The following SEC22A variants were observed in gnomAD, a reference collection of about 807,000 sequenced individuals.
The protein encoded by SEC22A is vesicle-trafficking protein SEC22a.
In SEC22A, 22 loss-of-function variants were observed where a neutral mutation model predicts 35.3. The observed-to-expected ratio is 0.62, with a 90% CI of 0.45 to 0.89. The LOEUF (loss-of-function observed/expected upper bound fraction) is 0.89, where lower values mean the gene tolerates loss of function less well. SEC22A is among the 40% of genes least tolerant of loss of function. SEC22A has a pLI of 0.00. For missense variants in SEC22A, 354 were observed against 362.5 expected, an observed-to-expected ratio of 0.98 and a Z score of 0.19; for synonymous variants, 119 against 129.5, an observed-to-expected ratio of 0.92 and a Z score of 0.55.
At chr3:123,213,789 A>G (rs6764852) in intron 2 of SEC22A, among the ~76,000 whole-genome samples, 24,095 of 152,082 alleles carry the variant, frequency 0.16, 2,248 homozygotes, top group Middle Eastern at 0.27. Flanking sequence ...GTATATAATT[A>G]TGTGCCAAAT....
intron 1 of SEC22A, among the ~76,000 whole-genome samples, chr3:123,207,479 GT>G (rs1240191031): frequency 2.0e-5 from 3 of 152,176 alleles, no homozygotes; most frequent in African/African-American, 7.2e-5. Flanking sequence ...ATTTTCACCA[GT>G]TGCCTCACCA....
chr3:123,266,005 C>T (rs1938016614), intron 6 of SEC22A, among the ~76,000 whole-genome samples: 1 of 152,068 alleles, frequency 6.6e-6, no homozygotes, highest in Admixed American at 6.5e-5. Context: ...AATTATGTTT[C>T]ATGTTGAGTG....
At position 123,210,409 on chromosome 3, in the gene SEC22A, G is replaced by A. The variant is rs80343505; in HGVS notation, c.182+1010G>A. Among the ~76,000 whole-genome samples the A allele has an allele frequency of 4.7e-4, 72 of 152,278 alleles. No homozygotes were observed. The East Asian group carries it at 0.012, about 24-fold the overall frequency. On this transcript the variant is annotated intron_variant, in intron 2 of 6. Transcript: ENST00000492595. ...AATCACCTGTAGTTTTTTGGCCTGA[G>A]GAACTGGATGAATAATGTAGCTGAA...
Position 123,223,421 on chromosome 3 carries a change from T to A in SEC22A, c.183-138T>A, listed in dbSNP as rs552576203. 765 of 644,478 alleles carry A rather than the reference T, an allele frequency of 1.2e-3. 3 individuals are homozygous for A. Among genetic ancestry groups the A allele is most frequent in the Non-Finnish European group, 1.8e-3 (728 of 394,154 alleles). The allele number at this position is 644,478 out of a possible 1,614,324, so 39.9% of individuals were successfully genotyped here. ...TGTATTTTGGTTCCTTTAAATTTTT[T>A]CCTAGAATATATAATAAATGTTAAG... On this transcript the variant is annotated intron_variant, in intron 2 of 6. Transcript: ENST00000492595.
chr3:123,237,793 G>T (rs1212664676), intron 4 of SEC22A, among the ~76,000 whole-genome samples: 1 of 152,158 alleles, frequency 6.6e-6, no homozygotes, highest in Non-Finnish European at 1.5e-5. Flanking sequence ...AGCTGGCAGT[G>T]GCATCCTGGA....
At chr3:123,217,726 T>A (rs1937056954) in intron 2 of SEC22A, among the ~76,000 whole-genome samples, 1 of 152,238 alleles carries the variant, frequency 6.6e-6, no homozygotes, top group African/African-American at 2.4e-5. Flanking sequence ...CAGTTTGTAA[T>A]ACTAAATCAT....
intron 5 of SEC22A, among the ~76,000 whole-genome samples, chr3:123,247,555 T>A (rs1937577139): frequency 6.6e-6 from 1 of 152,196 alleles, no homozygotes; most frequent in South Asian, 2.1e-4. Context: ...AGGAAAGTAG[T>A]ATAAATTACA....
intron 1 of SEC22A, among the ~76,000 whole-genome samples, chr3:123,207,333 A>G (rs988245214): frequency 1.3e-5 from 2 of 151,948 alleles, no homozygotes; most frequent in Non-Finnish European, 2.9e-5. Flanking sequence ...ATTTTTTTTT[A>G]TATATATTAC....
chr3:123,225,031 C>A, intron 3 of SEC22A, 72 bp from the exon 4 acceptor site: 1 of 946,886 alleles, frequency 1.1e-6, no homozygotes, highest in Non-Finnish European at 1.6e-6. Context: ...TATTTACTAT[C>A]CATAAACATC....
intron 5 of SEC22A, among the ~76,000 whole-genome samples, chr3:123,248,340 TCAA>T (rs1180906088): frequency 2.0e-5 from 3 of 152,204 alleles, no homozygotes; most frequent in East Asian, 3.9e-4. Flanking sequence ...ATGTCCAAAA[TCAA>T]CAACAATAGC....
At chr3:123,244,456 A>AT (rs146143757) in intron 4 of SEC22A, among the ~76,000 whole-genome samples, 3 of 151,792 alleles carry the variant, frequency 2.0e-5, no homozygotes, top group Middle Eastern at 3.4e-3. Flanking sequence ...TAAATCGTGA[A>AT]TTTTTTTTTC....
At chr3:123,246,776 A>C (rs1937570817) in intron 5 of SEC22A, among the ~76,000 whole-genome samples, 1 of 152,122 alleles carries the variant, frequency 6.6e-6, no homozygotes, top group Non-Finnish European at 1.5e-5. Flanking sequence ...CACATTATGA[A>C]TCAGTCCTCT....
intron 4 of SEC22A, among the ~76,000 whole-genome samples, chr3:123,228,346 C>CCAA (rs1392083843): frequency 2.0e-5 from 3 of 150,146 alleles, no homozygotes; most frequent in Non-Finnish European, 4.4e-5. Flanking sequence ...GGGCGGATCT[C>CCAA]CTGGGGTTGG....
chr3:123,263,893 A>G (rs1219131719), intron 6 of SEC22A, among the ~76,000 whole-genome samples: 1 of 150,300 alleles, frequency 6.7e-6, no homozygotes, highest in Non-Finnish European at 1.5e-5. Context: ...ATTCTATGAT[A>G]TGTATTCAAT....
At chr3:123,203,041 T>A (rs1936779695) in intron 1 of SEC22A, among the ~76,000 whole-genome samples, 1 of 142,166 alleles carries the variant, frequency 7.0e-6, no homozygotes, top group Non-Finnish European at 1.5e-5. Context: ...AACCATCACA[T>A]CTGTTTAGTG....
At chr3:123,252,569 T>C (rs1937626580) in intron 5 of SEC22A, among the ~76,000 whole-genome samples, 1 of 152,212 alleles carries the variant, frequency 6.6e-6, no homozygotes, top group African/African-American at 2.4e-5. Context: ...GAGTAATATA[T>C]AGACATTAAA....
chr3:123,214,766 C>G (rs1465301986), intron 2 of SEC22A, among the ~76,000 whole-genome samples: 1 of 152,166 alleles, frequency 6.6e-6, no homozygotes, highest in Non-Finnish European at 1.5e-5. Flanking sequence ...TTTATTTAAA[C>G]AGTAAGATGC....
At chr3:123,223,029 TC>T (rs1350336541) in intron 2 of SEC22A, among the ~76,000 whole-genome samples, 1 of 152,116 alleles carries the variant, frequency 6.6e-6, no homozygotes, top group African/African-American at 2.4e-5. Flanking sequence ...ACTCATAAAT[TC>T]CCCCCTCCCA....
chr3:123,215,659 C>T (rs1023737739), intron 2 of SEC22A, among the ~76,000 whole-genome samples: 8 of 152,108 alleles, frequency 5.3e-5, no homozygotes, highest in South Asian at 2.1e-4. Context: ...GCTCCTTCAA[C>T]GTCACAAAAA....
Sources: gnomAD v4.1 joint callset for allele counts (sites outside exome capture counted in the v4.1 genomes callset) on GRCh38, gnomAD v4.1.1 for gene constraint, MANE v1.5 for transcripts, NCBI Gene and HGNC (gene_info 2026-07-23, HGNC 2026-07-21) for gene names.